BRAF: variants seen among roughly 807,000 people sequenced by gnomAD.
The protein encoded by BRAF is serine/threonine-protein kinase B-raf.
A neutral mutation model predicts 104.6 loss-of-function variants in BRAF; 16 were observed. The ratio of observed to expected loss-of-function variants is 0.15; its 90% CI spans 0.10 to 0.23. The LOEUF (loss-of-function observed/expected upper bound fraction) is 0.23. Ranked by LOEUF, BRAF falls within the 10% of genes least tolerant of loss-of-function variation. The pLI is 1.00. For synonymous variants in BRAF, 310 were observed against 341.6 expected, an observed-to-expected ratio of 0.91 and a Z score of 1.02; for missense variants, 541 against 937.3, an observed-to-expected ratio of 0.58 and a Z score of 5.52.
intron 1 of BRAF, among the ~76,000 whole-genome samples, chr7:140,855,983 A>ATATATATAGTGAT (rs1809734657): frequency 1.3e-5 from 2 of 151,900 alleles, no homozygotes; most frequent in Non-Finnish European, 2.9e-5. Context: ...ACGCCACTAT[A>ATATATATAGTGAT]CTCCAGCTTG....
chr7:140,743,718 T>TA (rs879879804), intron 17 of BRAF, among the ~76,000 whole-genome samples: 64 of 143,722 alleles, frequency 4.5e-4, no homozygotes, highest in East Asian at 1.2e-3. Context: ...AAACTTTAAT[T>TA]AAAAAAAAAA....
intron 3 of BRAF, among the ~76,000 whole-genome samples, chr7:140,825,437 C>T (rs567979643): frequency 4.6e-4 from 70 of 152,282 alleles, no homozygotes; most frequent in African/African-American, 1.5e-3. Flanking sequence ...TAAACTAATA[C>T]GTTCATTATA....
At chr7:140,739,663 C>T in intron 18 of BRAF, 149 bp downstream of exon 17, 1 of 885,936 alleles carries the variant, frequency 1.1e-6, no homozygotes, top group Non-Finnish European at 1.7e-6. Flanking sequence ...GCTCAACCCT[C>T]ATGAAGCCAT....
At chr7:140,762,213 C>G (rs940810069) in intron 14 of BRAF, among the ~76,000 whole-genome samples, 2 of 152,164 alleles carry the variant, frequency 1.3e-5, no homozygotes, top group Admixed American at 6.5e-5. Flanking sequence ...TGCAATCTAA[C>G]TAGAACTCAG....
At chr7:140,772,677 G>A (rs1799970284) in intron 14 of BRAF, among the ~76,000 whole-genome samples, 1 of 152,078 alleles carries the variant, frequency 6.6e-6, no homozygotes, top group Admixed American at 6.6e-5. Context: ...ATTGACACTA[G>A]AGAAGAAAAC....
At chr7:140,767,671 A>C (rs189212763) in intron 14 of BRAF, among the ~76,000 whole-genome samples, 1 of 152,336 alleles carries the variant, frequency 6.6e-6, no homozygotes, top group African/African-American at 2.4e-5. Flanking sequence ...TATAACATTA[A>C]GGGTCTACTT....
At chr7:140,733,337 T>A (rs1166358147) in intron 19 of BRAF, 1 of 149,816 alleles carries the variant, frequency 6.7e-6, no homozygotes, top group Non-Finnish European at 1.5e-5. Context: ...ATCTATTGGC[T>A]ACATTTAAAA....
chr7:140,913,012 C>T (rs190343519), intron 1 of BRAF, among the ~76,000 whole-genome samples: 22 of 152,312 alleles, frequency 1.4e-4, no homozygotes, highest in Non-Finnish European at 2.2e-4. Context: ...GGCACATTCC[C>T]GACACAGAAT....
At chr7:140,785,147 C>T (rs563832104) in intron 10 of BRAF, among the ~76,000 whole-genome samples, 1 of 151,636 alleles carries the variant, frequency 6.6e-6, no homozygotes, top group South Asian at 2.1e-4. Flanking sequence ...CTACCTTTGA[C>T]AAAAATATAC....
downstream of BRAF, among the ~76,000 whole-genome samples, chr7:140,715,051 T>C (rs1051373155): frequency 8.5e-5 from 13 of 152,124 alleles, no homozygotes; most frequent in Non-Finnish European, 1.5e-5. Flanking sequence ...CTAGATCTCA[T>C]AAGCAGACCA....
At chr7:140,806,107 A>G (rs1361696683) in intron 5 of BRAF, among the ~76,000 whole-genome samples, 2 of 152,230 alleles carry the variant, frequency 1.3e-5, no homozygotes, top group East Asian at 3.9e-4. Flanking sequence ...ACCTTGTATC[A>G]TCCATTCTGA....
At chr7:140,715,960 T>G (rs747649328), downstream of BRAF, among the ~76,000 whole-genome samples, 11 of 152,244 alleles carry the variant, frequency 7.2e-5, no homozygotes, top group Non-Finnish European at 1.0e-4. Context: ...TGTCTTGTTC[T>G]AGGCGGAGTC....
At chr7:140,915,495 C>T (rs1159462745) in intron 1 of BRAF, among the ~76,000 whole-genome samples, 2 of 149,660 alleles carry the variant, frequency 1.3e-5, no homozygotes, top group African/African-American at 4.9e-5. Context: ...AGTGCAATGG[C>T]GCAATATCGG....
intron 7 of BRAF, among the ~76,000 whole-genome samples, chr7:140,796,406 A>G (rs1586193712): frequency 6.6e-6 from 1 of 152,230 alleles, no homozygotes; most frequent in South Asian, 2.1e-4. Flanking sequence ...GAATTGCATA[A>G]GATAGTCTAC....
intron 15 of BRAF, 37 bp from the exon 15 acceptor site, chr7:140,753,430 A>C: frequency 3.8e-6 from 5 of 1,331,454 alleles, no homozygotes; most frequent in East Asian, 2.3e-5. Flanking sequence ...AGTAGATCTC[A>C]TTTTCCTATC....
chr7:140,743,673 T>C (rs1332279190), intron 17 of BRAF, among the ~76,000 whole-genome samples: 2 of 151,718 alleles, frequency 1.3e-5, no homozygotes, highest in African/African-American at 4.8e-5. Flanking sequence ...TGTATACATA[T>C]GTAACTAACC....
intron 7 of BRAF, among the ~76,000 whole-genome samples, chr7:140,798,700 A>G (rs1447839296): frequency 6.6e-6 from 1 of 151,498 alleles, no homozygotes; most frequent in Non-Finnish European, 1.5e-5. Flanking sequence ...CACGCCTGTA[A>G]TTCTAGCAGT....
chr7:140,808,218 A>G, intron 4 of BRAF, 156 bp from the exon 5 acceptor site: 1 of 689,740 alleles, frequency 1.4e-6, no homozygotes. Flanking sequence ...AAATGGCAAT[A>G]AATTAATTTT....
At chr7:140,733,951 C>T in intron 19 of BRAF, 4 of 979,972 alleles carry the variant, frequency 4.1e-6, no homozygotes, top group Non-Finnish European at 4.9e-6. Flanking sequence ...GAAGTTAAGA[C>T]ATTTTACTCA....
Sources: allele counts gnomAD v4.1 joint callset (sites outside exome capture counted in the v4.1 genomes callset), GRCh38; gene constraint gnomAD v4.1.1; transcripts MANE v1.5; gene names NCBI Gene and HGNC (gene_info 2026-07-23, HGNC 2026-07-21).